Variants in CUBN observed in about 807,000 individuals in gnomAD.
The protein encoded by CUBN is 460 kDa receptor.
Under a neutral mutation model 405.3 loss-of-function variants are expected in CUBN, and 282 were observed. That is an observed-to-expected ratio of 0.70 (90% CI 0.63 to 0.77). The LOEUF is 0.77. Among genes scored for constraint, CUBN ranks in the 30% least tolerant of loss-of-function variants. The pLI, the probability that CUBN is intolerant of heterozygous loss-of-function variation, is 0.00. For synonymous variants in CUBN, 1,684 were observed against 1,617.0 expected (o/e 1.04, Z -0.99); for missense variants, 4,514 against 4,475.2 (o/e 1.01, Z -0.25).
At chr10:16,827,775 AT>A (rs1361636943) in intron 66 of CUBN, among the ~76,000 whole-genome samples, 1 of 152,126 alleles carries the variant, frequency 6.6e-6, no homozygotes, top group South Asian at 2.1e-4. Context: ...TAATTTTTGT[AT>A]TTTTAGTAGA....
chr10:17,109,498 T>C (rs1333969233), intron 10 of CUBN, 142 bp downstream of exon 10: 2 of 707,760 alleles, frequency 2.8e-6, no homozygotes, highest in South Asian at 1.5e-5. Flanking sequence ...GCCAAATGTG[T>C]AGTTTTATGG....
At chr10:17,018,368 C>T (rs78408122) in intron 28 of CUBN, among the ~76,000 whole-genome samples, 2 of 152,054 alleles carry the variant, frequency 1.3e-5, no homozygotes, top group African/African-American at 2.4e-5. Flanking sequence ...AGCTGCGGAC[C>T]CTCGTGGTGA....
At chr10:16,870,397 G>A (rs916591794) in intron 58 of CUBN, among the ~76,000 whole-genome samples, 6 of 152,156 alleles carry the variant, frequency 3.9e-5, no homozygotes, top group Non-Finnish European at 7.3e-5. Flanking sequence ...TGAAGAACAG[G>A]AAATTTACAT....
chr10:17,024,057 T>A (rs1834584529), intron 27 of CUBN, among the ~76,000 whole-genome samples: 1 of 141,678 alleles, frequency 7.1e-6, no homozygotes, highest in African/African-American at 2.6e-5. Context: ...TTAGCCATAC[T>A]TACCAGTTTC....
intron 54 of CUBN, among the ~76,000 whole-genome samples, chr10:16,896,944 T>C (rs780814): frequency 0.46 from 69,274 of 152,114 alleles, 18,568 homozygotes; most frequent in Middle Eastern, 0.63. Flanking sequence ...TCCATGCTAC[T>C]ATTGAGCCTA....
rs1398168403 is a variant in CUBN, at chr10:17,084,580, T to C, written c.2111-119A>G. On this transcript the variant is annotated intron_variant, in intron 16 of 66. Transcript: ENST00000377833. Reference sequence around the variant, plus strand: ...CACACACACAAGCACATATCCATTTTATTCACCCTCTATAGGCTTGTGCCT... The same window carrying C: ...CACACACACAAGCACATATCCATTTCATTCACCCTCTATAGGCTTGTGCCT... 1.1e-5 allele frequency: 9 copies of C among 831,188 alleles called. No individual in the cohort carries two copies. In the East Asian group the frequency reaches 2.4e-4, roughly 22 times the overall value. The allele number at this position is 831,188 out of a possible 1,614,324, so 51.5% of individuals were successfully genotyped here. A position where few individuals can be genotyped will look rare whatever the true frequency, so the allele number is the denominator to read the frequency against.
chr10:16,895,340 CACACACACACACACACACATATATAT>C (rs945576960), intron 54 of CUBN, among the ~76,000 whole-genome samples: 24 of 113,588 alleles, frequency 2.1e-4, no homozygotes, highest in African/African-American at 7.6e-4. Context: ...TATATTTATA[CACACACACACACACACACATATATAT>C]ACACACACAC....
At chr10:17,123,538 C>G (rs1837093931) in intron 5 of CUBN, 50 bp downstream of exon 5, 1 of 1,351,780 alleles carries the variant, frequency 7.4e-7, no homozygotes, top group African/African-American at 1.4e-5. Context: ...TCCAAGGAAA[C>G]CACAGATGCT....
chr10:16,893,018 T>C (rs1422942182), intron 54 of CUBN, among the ~76,000 whole-genome samples: 1 of 152,164 alleles, frequency 6.6e-6, no homozygotes, highest in Admixed American at 6.5e-5. Context: ...AGTTATTCAA[T>C]ATTCATTTCT....
At chr10:16,897,879 C>A (rs1365372761) in intron 54 of CUBN, among the ~76,000 whole-genome samples, 1 of 152,068 alleles carries the variant, frequency 6.6e-6, no homozygotes, top group Non-Finnish European at 1.5e-5. Context: ...ATCAGAGGGA[C>A]CCCCATTCAA....
intron 60 of CUBN, among the ~76,000 whole-genome samples, chr10:16,847,003 T>G (rs116644939): frequency 0.016 from 2,387 of 152,140 alleles, 66 homozygotes; most frequent in African/African-American, 0.054. Context: ...GTTCATTTTG[T>G]AAATTCCAGC....
rs386833778 is a variant in CUBN at position 17,068,723 on chromosome 10, G to T, written c.2673C>A (p.Cys891Ter). ...ILGSPENKKY[C>*]GTDIPSFITS... The stretch of plus-strand genomic sequence containing the variant: ...TTATAAATGAAGGTATGTCTGTACC[G>T]CAATACTTTTTATTTTCAGGAGAAC... Residue 891 changes from cysteine (C) to a stop codon, truncating the protein, a stop_gained, in exon 20 of 67, where the codon TGC becomes TGA. Coordinates refer to ENST00000377833, the MANE Select transcript of CUBN (RefSeq NM_001081.4). LOFTEE classifies it high-confidence loss of function. 8 of 1,611,828 alleles carry T rather than the reference G, an allele frequency of 5.0e-6. No individual in the cohort carries two copies. Among genetic ancestry groups the T allele is most frequent in the African/African-American group, 1.3e-5 (1 of 74,810 alleles).
intron 39 of CUBN, among the ~76,000 whole-genome samples, chr10:16,935,879 C>CAAAAAAAAAAAAAAA (rs369098280): frequency 1.5e-4 from 11 of 71,348 alleles, no homozygotes; most frequent in Admixed American, 1.9e-4. Flanking sequence ...GACTCCATCT[C>CAAAAAAAAAAAAAAA]AAAAAAAAAA....
Position 17,045,029 on chromosome 10 carries a change from T to C in CUBN, c.3650A>G (p.Asn1217Ser), listed in dbSNP as rs1261896937. Residue 1217 changes from asparagine (N) to serine (S), a missense_variant, in exon 25 of 67, where the codon AAC becomes AGC. This residue lies in a region of CUBN where 242 missense variants were observed against 309.0 expected (regional missense o/e 0.78). Coordinates refer to ENST00000377833, the MANE Select transcript of CUBN (RefSeq NM_001081.4). Reference protein sequence around the residue: ...FKDFHLEHHPNCTLDYLAVYD... With the variant: ...FKDFHLEHHPSCTLDYLAVYD... ...TACAGCCAGGTAATCTAAAGTGCAGTTTGGATGATGCTCCAAGTGAAAGTC... is the reference window on the plus strand; with the variant it reads ...TACAGCCAGGTAATCTAAAGTGCAGCTTGGATGATGCTCCAAGTGAAAGTC... 6 of 1,614,060 alleles carry C rather than the reference T, an allele frequency of 3.7e-6. No individual in the cohort carries two copies. Among genetic ancestry groups the C allele is most frequent in the Non-Finnish European group, 5.1e-6 (6 of 1,179,968 alleles).
At chr10:17,008,705 GC>G (rs1479612776) in intron 28 of CUBN, among the ~76,000 whole-genome samples, 3 of 151,948 alleles carry the variant, frequency 2.0e-5, no homozygotes, top group African/African-American at 7.3e-5. Flanking sequence ...CTGACCTCCT[GC>G]TGGGCCCAAG....
At chr10:17,045,219 C>A (rs1413237858) in intron 24 of CUBN, 31 bp from the exon 25 acceptor site, 1 of 1,606,096 alleles carries the variant, frequency 6.2e-7, no homozygotes, top group Admixed American at 1.7e-5. Flanking sequence ...ATGACACACA[C>A]CCCTTTCCTT....
chr10:16,838,929 A>G (rs565479100), intron 62 of CUBN, among the ~76,000 whole-genome samples: 10 of 152,330 alleles, frequency 6.6e-5, no homozygotes, highest in South Asian at 6.2e-4. Flanking sequence ...TATAAGCATG[A>G]GCCACCACAC....
At chr10:16,902,287 C>G (rs1387928015) in intron 51 of CUBN, among the ~76,000 whole-genome samples, 3 of 128,364 alleles carry the variant, frequency 2.3e-5, no homozygotes, top group Non-Finnish European at 1.6e-5. Context: ...ATATATAGTA[C>G]ATATATATTT....
intron 34 of CUBN, 25 bp downstream of exon 34, chr10:16,949,976 T>C (rs1236334412): frequency 1.3e-6 from 2 of 1,516,582 alleles, no homozygotes; most frequent in Admixed American, 1.7e-5. Flanking sequence ...AGACCACAGA[T>C]GTAGATGAGT....
Sources: allele counts gnomAD v4.1 joint callset (sites outside exome capture counted in the v4.1 genomes callset), GRCh38; gene constraint gnomAD v4.1.1; regional missense constraint gnomAD v4.1.1; transcripts MANE v1.5; gene names NCBI Gene and HGNC (gene_info 2026-07-23, HGNC 2026-07-21).